The following STK3 variants were observed in gnomAD, a reference collection of about 807,000 sequenced individuals.
STK3 encodes the protein serine/threonine kinase 3.
STK3 carries 41 observed loss-of-function variants against 58.0 expected under a neutral mutation model. The observed-to-expected ratio is 0.71, with a 90% CI of 0.55 to 0.92. STK3 has a LOEUF of 0.92. Ranked by LOEUF, STK3 falls within the 40% of genes least tolerant of loss-of-function variation. The pLI is 0.00. For synonymous variants in STK3, 170 were observed against 191.0 expected (o/e 0.89, Z 0.91); for missense variants, 479 against 602.7 (o/e 0.79, Z 2.15).
chr8:98,427,843 C>T, intron 3 of STK3: 2 of 681,378 alleles, frequency 2.9e-6, no homozygotes, highest in South Asian at 3.9e-5. Flanking sequence ...ACCCAAGACC[C>T]ACCAGGAGGC....
chr8:98,849,514 A>G (rs1836354167), intron 3 of STK3, among the ~76,000 whole-genome samples: 1 of 152,202 alleles, frequency 6.6e-6, no homozygotes, highest in Admixed American at 6.5e-5. Flanking sequence ...TTATGATTGC[A>G]AGTAAACCAA....
chr8:98,805,558 G>C (rs566052622), intron 1 of STK3, among the ~76,000 whole-genome samples: 10 of 151,880 alleles, frequency 6.6e-5, no homozygotes, highest in Admixed American at 1.3e-4. Context: ...TGGGCGACAA[G>C]AGCAAAACTC....
At chr8:98,748,029 G>A (rs1323901435) in intron 4 of STK3, among the ~76,000 whole-genome samples, 2 of 152,150 alleles carry the variant, frequency 1.3e-5, no homozygotes, top group Non-Finnish European at 2.9e-5. Context: ...TTGGCAACAA[G>A]CATTAAACTT....
chr8:98,867,192 G>A (rs561334173), intron 3 of STK3, among the ~76,000 whole-genome samples: 1 of 152,314 alleles, frequency 6.6e-6, no homozygotes, highest in African/African-American at 2.4e-5. Context: ...TAGGTGGGTA[G>A]ATTGCTTGAG....
chr8:98,738,132 T>C (rs1828778049), intron 4 of STK3, among the ~76,000 whole-genome samples: 2 of 152,232 alleles, frequency 1.3e-5, no homozygotes, highest in Non-Finnish European at 1.5e-5. Context: ...TTAAATGTAA[T>C]TCCAATCACA....
rs541049753 is a variant in STK3 at position 98,633,457 on chromosome 8, A to C, written c.685-37288T>G. The C allele has an allele frequency of 3.2e-5, 18 of 563,136 alleles. No homozygotes were observed. In the South Asian group the frequency reaches 3.7e-4, roughly 12 times the overall value. The allele number at this position is 563,136 out of a possible 1,614,324, so 34.9% of individuals were successfully genotyped here. A position where few individuals can be genotyped will look rare whatever the true frequency, so the allele number is the denominator to read the frequency against. ...GATTGAGACTGCAGATTATTAAATC[A>C]GTTGGTACTGATCCAGAAGAAGGTA... On this transcript the variant is annotated intron_variant, in intron 6 of 10. Transcript: ENST00000419617.
At chr8:98,584,188 G>A (rs1325254730) in intron 7 of STK3, among the ~76,000 whole-genome samples, 4 of 151,398 alleles carry the variant, frequency 2.6e-5, no homozygotes, top group South Asian at 2.1e-4. Context: ...ATGCTGGTGC[G>A]CTGCACCCAC....
intron 10 of STK3, among the ~76,000 whole-genome samples, chr8:98,459,665 C>G (rs1819790014): frequency 6.6e-6 from 1 of 152,238 alleles, no homozygotes; most frequent in African/African-American, 2.4e-5. Flanking sequence ...CCCTGCTACT[C>G]TGTGCAGCCT....
At chr8:98,765,576 G>C (rs761583697) in intron 3 of STK3, among the ~76,000 whole-genome samples, 2 of 152,174 alleles carry the variant, frequency 1.3e-5, no homozygotes, top group African/African-American at 4.8e-5. Flanking sequence ...AAATAAGACT[G>C]AAGTTGAAGG....
In STK3 at chr8:98,428,897, A is replaced by G; in HGVS notation, n.483+5230T>C. ...GGCTGATGCGGATCTTCCGCATCTTAAAGCTGGCCAGGCACTCCACTGGCC... is the reference window on the plus strand; with the variant it reads ...GGCTGATGCGGATCTTCCGCATCTTGAAGCTGGCCAGGCACTCCACTGGCC... On this transcript the variant is annotated intron_variant and non_coding_transcript_variant, in intron 3 of 3. Transcript: ENST00000517832. This position sits in a 1 kb window ranked among gnomAD's most constrained non-coding sequence, Gnocchi z 6.7. 1 of 1,614,166 alleles carries G rather than the reference A, an allele frequency of 6.2e-7. No individual in the cohort carries two copies. Among genetic ancestry groups the G allele is most frequent in the Non-Finnish European group, 8.5e-7 (1 of 1,180,022 alleles).
chr8:98,697,087 A>T (rs980352104), intron 6 of STK3, among the ~76,000 whole-genome samples: 6 of 152,078 alleles, frequency 3.9e-5, no homozygotes, highest in Non-Finnish European at 8.8e-5. Flanking sequence ...TAATCTTGGG[A>T]GGGTGTATGT....
intron 3 of STK3, among the ~76,000 whole-genome samples, chr8:98,765,487 G>A (rs1259305811): frequency 4.6e-5 from 7 of 152,100 alleles, no homozygotes; most frequent in Admixed American, 4.6e-4. Flanking sequence ...TAATTACAGG[G>A]CCCTGAATTG....
At chr8:98,375,303 TTAGC>T (rs1288893570) in intron 2 of STK3, among the ~76,000 whole-genome samples, 1 of 151,018 alleles carries the variant, frequency 6.6e-6, no homozygotes, top group East Asian at 1.9e-4. Flanking sequence ...CCTATTATAC[TTAGC>T]TAGTGCAATA....
At chr8:98,566,269 A>G (rs1812474894) in intron 8 of STK3, among the ~76,000 whole-genome samples, 1 of 152,142 alleles carries the variant, frequency 6.6e-6, no homozygotes, top group Non-Finnish European at 1.5e-5. Context: ...AAAAACCAAC[A>G]TATCTTGTAA....
chr8:98,466,579 G>C (rs1384690726), intron 10 of STK3, among the ~76,000 whole-genome samples: 1 of 152,170 alleles, frequency 6.6e-6, no homozygotes, highest in Non-Finnish European at 1.5e-5. Flanking sequence ...TCTTTCTAAG[G>C]TCTGGTTCCT....
chr8:98,365,496 A>T, the STK3 span, among the ~76,000 whole-genome samples: 1 of 152,218 alleles, frequency 6.6e-6, no homozygotes, highest in African/African-American at 2.4e-5. Flanking sequence ...TTAAAAGGAA[A>T]AATCACCCTG....
At chr8:98,884,798 A>G (rs1427588968) in intron 1 of STK3, among the ~76,000 whole-genome samples, 1 of 152,234 alleles carries the variant, frequency 6.6e-6, no homozygotes. Flanking sequence ...TAATCATGTC[A>G]GGTTGCTTTG....
At chr8:98,589,926 C>T (rs935482158) in intron 7 of STK3, among the ~76,000 whole-genome samples, 3 of 152,196 alleles carry the variant, frequency 2.0e-5, no homozygotes, top group Non-Finnish European at 4.4e-5. Flanking sequence ...TTGCACTTCC[C>T]GAGTGAGGCA....
intron 3 of STK3, among the ~76,000 whole-genome samples, chr8:98,418,420 C>T (rs1033673227): frequency 6.6e-6 from 1 of 152,188 alleles, no homozygotes; most frequent in African/African-American, 2.4e-5. Context: ...TGGAAGTAAC[C>T]ATGGAAACAG....
Sources: allele counts gnomAD v4.1 joint callset (sites outside exome capture counted in the v4.1 genomes callset), GRCh38; gene constraint gnomAD v4.1.1; non-coding constraint Gnocchi (gnomAD v3.1); transcripts MANE v1.5; gene names NCBI Gene and HGNC (gene_info 2026-07-23, HGNC 2026-07-21).